The following RIMBP2 variants were observed in gnomAD, a reference collection of about 807,000 sequenced individuals.
RIMBP2 encodes RIMS-binding protein 2.
RIMBP2 carries 48 observed loss-of-function variants against 118.6 expected under a neutral mutation model. The ratio of observed to expected loss-of-function variants is 0.40; its 90% CI spans 0.32 to 0.51. RIMBP2 has a LOEUF of 0.51. Among genes scored for constraint, RIMBP2 ranks in the 20% least tolerant of loss-of-function variants. The pLI is 0.41. For missense variants in RIMBP2, 1,551 were observed against 1,768.3 expected (o/e 0.88, Z 2.20); for synonymous variants, 762 against 742.9 (o/e 1.03, Z -0.42).
intron 16 of RIMBP2, among the ~76,000 whole-genome samples, chr12:130,423,830 C>G (rs1229384968): frequency 6.6e-6 from 1 of 151,718 alleles, no homozygotes; most frequent in Non-Finnish European, 1.5e-5. Context: ...TGTTGCCAAA[C>G]TTTCAGATAA....
At position 130,424,527 on chromosome 12, in the gene RIMBP2, C is replaced by G. The variant is rs537141816; in HGVS notation, c.2744G>C (p.Arg915Pro). 8.1e-7 allele frequency: 1 copy of G among 1,231,876 alleles called. No homozygotes were observed. Among genetic ancestry groups the G allele is most frequent in the Non-Finnish European group, 1.0e-6 (1 of 987,862 alleles). The allele number at this position is 1,231,876 out of a possible 1,614,324, so 76.3% of individuals were successfully genotyped here. Residue 915 changes from arginine to proline, a missense_variant, in exon 16 of 23, where the codon CGG becomes CCG. Coordinates refer to ENST00000690449, the MANE Select transcript of RIMBP2 (RefSeq NM_001393629.1). This position sits in a 1 kb window ranked among gnomAD's most constrained non-coding sequence, Gnocchi z 9.8. The part of the protein sequence containing the change: ...RGCRFSRSAT[R>P]SPDSGLDCGS... ...ACAGTCCAGGCCGCTGTCCGGGCTC[C>G]GGGTGGCCGAGCGGCTGAACCGACA...
chr12:130,412,619 C>CTAT lies in RIMBP2; in HGVS notation c.3586_3588dup (p.Ile1196dup), dbSNP rs778595408. 2.3e-5 allele frequency: 37 copies of CTAT among 1,613,386 alleles called. No individual in the cohort carries two copies. Among genetic ancestry groups the CTAT allele is most frequent in the Non-Finnish European group, 3.0e-5 (35 of 1,179,736 alleles). On this transcript the variant is annotated inframe_insertion and splice_region_variant, in exon 19 of 23. Transcript: ENST00000690449. ...AGGTCGAATAGGGGTTTGCGCTTAC[C>CTAT]TATTTTCTCCACAGGTGTATTCAGA...
chr12:130,481,039 A>G (rs1021197681), intron 4 of RIMBP2, among the ~76,000 whole-genome samples: 1 of 132,102 alleles, frequency 7.6e-6, no homozygotes, highest in Non-Finnish European at 1.7e-5. Context: ...AGCTGGAAAG[A>G]GGAGCCTGGC....
intron 2 of RIMBP2, among the ~76,000 whole-genome samples, chr12:130,591,517 G>A (rs916508291): frequency 6.6e-6 from 1 of 152,174 alleles, no homozygotes; most frequent in Non-Finnish European, 1.5e-5. Flanking sequence ...TCACAGTTCT[G>A]GAGGCCAGAA....
intron 3 of RIMBP2, among the ~76,000 whole-genome samples, chr12:130,513,025 T>C (rs929139716): frequency 1.3e-5 from 2 of 152,224 alleles, no homozygotes; most frequent in Non-Finnish European, 2.9e-5. Context: ...GCTAGTAAGT[T>C]GCATGGTTGC....
intron 1 of RIMBP2, chr12:130,668,126 A>G (rs2064032047): frequency 6.6e-6 from 1 of 152,232 alleles, no homozygotes; most frequent in African/African-American, 2.4e-5. Flanking sequence ...TGGTGTCTGC[A>G]GTGTGGGGGC....
intron 2 of RIMBP2, among the ~76,000 whole-genome samples, chr12:130,588,477 G>C (rs2059057252): frequency 6.6e-6 from 1 of 152,146 alleles, no homozygotes; most frequent in Non-Finnish European, 1.5e-5. Flanking sequence ...ACTGCAATCA[G>C]ATCTTGGCTA....
intron 5 of RIMBP2, among the ~76,000 whole-genome samples, chr12:130,471,240 T>C (rs899999596): frequency 2.0e-5 from 3 of 152,226 alleles, no homozygotes; most frequent in Non-Finnish European, 2.9e-5. Context: ...CAAAGCCATC[T>C]GGGCCCCACA....
intron 2 of RIMBP2, among the ~76,000 whole-genome samples, chr12:130,547,938 G>A (rs2138218): frequency 0.017 from 2,651 of 152,238 alleles, 61 homozygotes; most frequent in African/African-American, 0.058. Context: ...TCTGCCTACT[G>A]AATGTCTTGT....
rs2076493960 is a variant in RIMBP2, at chr12:130,422,693, T to C, written c.3130-132A>G. The C allele has an allele frequency of 1.5e-6, 1 of 655,608 alleles. No individual in the cohort carries two copies. The highest frequency in any genetic ancestry group is 2.7e-6 in the Non-Finnish European group (1 of 373,482). 40.6% of individuals were successfully genotyped at this position (655,608 alleles called of 1,614,324 possible). ...TAAACTTAGCTTTTAACTGAAAGGT[T>C]AGCTGAATGGCCTGGGAGAGAACAA... On this transcript the variant is annotated intron_variant, in intron 16 of 22. Transcript: ENST00000690449. This position sits in a 1 kb window ranked among gnomAD's most constrained non-coding sequence, Gnocchi z 5.2.
intron 1 of RIMBP2, chr12:130,657,857 C>A (rs527548064): frequency 6.6e-6 from 1 of 152,416 alleles, no homozygotes; most frequent in Admixed American, 6.5e-5. Context: ...TACACGGAAC[C>A]AGCTACCCAA....
intron 2 of RIMBP2, among the ~76,000 whole-genome samples, chr12:130,592,846 T>C (rs564656556): frequency 1.7e-4 from 26 of 152,092 alleles, no homozygotes; most frequent in African/African-American, 6.0e-4. Context: ...GCGGGAGAGA[T>C]GGACAGCGAG....
chr12:130,541,836 T>G (rs1268723610), intron 2 of RIMBP2, among the ~76,000 whole-genome samples: 1 of 152,212 alleles, frequency 6.6e-6, no homozygotes, highest in Non-Finnish European at 1.5e-5. Context: ...TAATATATGT[T>G]TGTTGAACAC....
intron 6 of RIMBP2, among the ~76,000 whole-genome samples, chr12:130,467,377 T>C (rs943939422): frequency 3.3e-5 from 5 of 152,238 alleles, no homozygotes; most frequent in Non-Finnish European, 7.3e-5. Flanking sequence ...CTGCCCTCTA[T>C]GGATGAACTA....
At chr12:130,698,607 T>G (rs1566465613) in intron 1 of RIMBP2, among the ~76,000 whole-genome samples, 1 of 152,000 alleles carries the variant, frequency 6.6e-6, no homozygotes, top group Non-Finnish European at 1.5e-5. Flanking sequence ...AATACAAAAA[T>G]TCCTAAAACC....
At chr12:130,641,933 C>A (rs1021582869) in intron 1 of RIMBP2, among the ~76,000 whole-genome samples, 2 of 152,124 alleles carry the variant, frequency 1.3e-5, no homozygotes, top group Non-Finnish European at 2.9e-5. Flanking sequence ...TAATCCCCAC[C>A]CTGACTCTAT....
chr12:130,506,874 G>T, intron 3 of RIMBP2, 104 bp from the exon 4 acceptor site: 1 of 856,312 alleles, frequency 1.2e-6, no homozygotes, highest in Non-Finnish European at 1.4e-6. Flanking sequence ...TCCTCCTAGA[G>T]AATCCTTCCC....
intron 2 of RIMBP2, among the ~76,000 whole-genome samples, chr12:130,618,758 A>C (rs1014052060): frequency 3.3e-5 from 5 of 152,224 alleles, no homozygotes; most frequent in Middle Eastern, 3.2e-3. Flanking sequence ...TAAAGTCAAA[A>C]TTTCAACAAC....
intron 2 of RIMBP2, among the ~76,000 whole-genome samples, chr12:130,625,322 A>G (rs1037562682): frequency 6.6e-6 from 1 of 152,234 alleles, no homozygotes; most frequent in East Asian, 1.9e-4. Context: ...AGGGGCGCCG[A>G]GACCTGTCTG....
Sources: gnomAD v4.1 joint callset for allele counts (sites outside exome capture counted in the v4.1 genomes callset) on GRCh38, gnomAD v4.1.1 for gene constraint, Gnocchi (gnomAD v3.1) non-coding constraint, MANE v1.5 for transcripts, NCBI Gene and HGNC (gene_info 2026-07-23, HGNC 2026-07-21) for gene names.